NXPH2: variants seen among roughly 807,000 people sequenced by gnomAD.
NXPH2 encodes neurexophilin-2.
Under a neutral mutation model 19.8 loss-of-function variants are expected in NXPH2, and 5 were observed. The ratio of observed to expected loss-of-function variants is 0.25; its 90% confidence interval spans 0.13 to 0.53. The LOEUF (loss-of-function observed/expected upper bound fraction) is 0.53, where lower values mean the gene tolerates loss of function less well. Ranked by LOEUF, NXPH2 falls within the 20% of genes least tolerant of loss-of-function variation. The pLI, the probability that NXPH2 is intolerant of heterozygous loss-of-function variation, is 0.96. For synonymous variants in NXPH2, 154 were observed against 127.4 expected, an observed-to-expected ratio of 1.21 and a Z score of -1.41; for missense variants, 289 against 322.8, an observed-to-expected ratio of 0.90 and a Z score of 0.80.
chr2:138,747,649 G>T lies in NXPH2; in HGVS notation c.51+32542C>A, dbSNP rs139167705. Among the ~76,000 whole-genome samples, 5 of 152,276 alleles carry T rather than the reference G, an allele frequency of 3.3e-5. No homozygotes were observed. In the East Asian group the frequency reaches 9.6e-4, roughly 29 times the overall value. ...GGGCCATAAGTCTCACCATGCATAC[G>T]TGGTAGTGTACTTTAGGATCTTTTA... On this transcript the variant is annotated intron_variant, in intron 1 of 1. Coordinates refer to ENST00000272641, the MANE Select transcript of NXPH2 (RefSeq NM_007226.3).
In NXPH2 at chr2:138,764,643, G is replaced by T. The variant is rs1432243752; in HGVS notation, c.51+15548C>A. Reference sequence around the variant, plus strand: ...TTCTGATATAAATCATATATAATAGGACTATCTATCTATCTATCTATGATG... The same window carrying T: ...TTCTGATATAAATCATATATAATAGTACTATCTATCTATCTATCTATGATG... On this transcript the variant is annotated intron_variant, in intron 1 of 1. Coordinates refer to ENST00000272641, the MANE Select transcript of NXPH2 (RefSeq NM_007226.3). Among the ~76,000 whole-genome samples, 5 of 152,024 alleles carry T rather than the reference G, an allele frequency of 3.3e-5. No individual in the cohort carries two copies. In the South Asian group the frequency reaches 8.3e-4, roughly 25 times the overall value.
In NXPH2 at chr2:138,706,761, G is replaced by T. The variant is rs561806732; in HGVS notation, c.52-35096C>A. Among the ~76,000 whole-genome samples the T allele has an allele frequency of 2.0e-5, 3 of 151,918 alleles. No homozygotes were observed. In the East Asian group the frequency reaches 5.8e-4, roughly 30 times the overall value. ...ACTTCATTTTTTTTTTAAGTAGGCAGGTGTGGTAGTGTGTACCTGAAGTCC... is the reference window on the plus strand; with the variant it reads ...ACTTCATTTTTTTTTTAAGTAGGCATGTGTGGTAGTGTGTACCTGAAGTCC... On this transcript the variant is annotated intron_variant, in intron 1 of 1. Coordinates refer to ENST00000272641, the MANE Select transcript of NXPH2 (RefSeq NM_007226.3).
chr2:138,745,180 A>G (rs538408151), intron 1 of NXPH2, among the ~76,000 whole-genome samples: 4 of 152,348 alleles, frequency 2.6e-5, no homozygotes, highest in South Asian at 4.1e-4. Context: ...AACTGAATGC[A>G]TAATGCTTTT....
At chr2:138,744,046 C>T (rs935556854) in intron 1 of NXPH2, among the ~76,000 whole-genome samples, 1 of 145,892 alleles carries the variant, frequency 6.9e-6, no homozygotes, top group Non-Finnish European at 1.5e-5. Flanking sequence ...CTGTTATTTT[C>T]ATTAATTTAT....
chr2:138,723,826 C>T (rs773300140), intron 1 of NXPH2, among the ~76,000 whole-genome samples: 16 of 152,262 alleles, frequency 1.1e-4, no homozygotes, highest in East Asian at 1.9e-4. Flanking sequence ...GGCTTTTTGG[C>T]CTCCCCTAGC....
At chr2:138,710,524 A>C (rs1681089892) in intron 1 of NXPH2, among the ~76,000 whole-genome samples, 1 of 152,146 alleles carries the variant, frequency 6.6e-6, no homozygotes, top group African/African-American at 2.4e-5. Flanking sequence ...CATTCCCACC[A>C]ACAACACACA....
intron 1 of NXPH2, among the ~76,000 whole-genome samples, chr2:138,712,428 G>T (rs1476879944): frequency 3.3e-5 from 5 of 152,172 alleles, no homozygotes. Flanking sequence ...GGACTTCGGA[G>T]TTCTGTCCTC....
intron 1 of NXPH2, among the ~76,000 whole-genome samples, chr2:138,687,321 T>C (rs1250979569): frequency 6.6e-6 from 1 of 152,256 alleles, no homozygotes; most frequent in Non-Finnish European, 1.5e-5. Context: ...GAGCATTTTT[T>C]CATGTGTCTT....
chr2:138,716,910 A>G (rs994325287), intron 1 of NXPH2, among the ~76,000 whole-genome samples: 4 of 152,220 alleles, frequency 2.6e-5, no homozygotes, highest in African/African-American at 9.6e-5. Flanking sequence ...ACCAAAATTA[A>G]TAACACACTT....
intron 1 of NXPH2, among the ~76,000 whole-genome samples, chr2:138,775,151 A>C (rs1414886796): frequency 6.6e-6 from 1 of 152,214 alleles, no homozygotes; most frequent in Non-Finnish European, 1.5e-5. Context: ...GACTAGGAAA[A>C]AGAAAAATAT....
intron 1 of NXPH2, among the ~76,000 whole-genome samples, chr2:138,753,933 T>C (rs1413997417): frequency 2.0e-5 from 3 of 152,172 alleles, no homozygotes; most frequent in Non-Finnish European, 2.9e-5. Flanking sequence ...CATTCATATA[T>C]ACAATTACTT....
At chr2:138,697,145 A>C (rs113610004) in intron 1 of NXPH2, among the ~76,000 whole-genome samples, 13 of 152,256 alleles carry the variant, frequency 8.5e-5, no homozygotes, top group African/African-American at 3.1e-4. Context: ...CTATAGGCAG[A>C]TCAGTGGTTG....
At chr2:138,741,286 T>G (rs921283600) in intron 1 of NXPH2, among the ~76,000 whole-genome samples, 2 of 152,176 alleles carry the variant, frequency 1.3e-5, no homozygotes, top group Non-Finnish European at 2.9e-5. Flanking sequence ...AAGCGACTGC[T>G]GGCAGAGCTG....
At chr2:138,749,452 C>A (rs1473347292) in intron 1 of NXPH2, among the ~76,000 whole-genome samples, 1 of 152,042 alleles carries the variant, frequency 6.6e-6, no homozygotes, top group Non-Finnish European at 1.5e-5. Flanking sequence ...CTTTTATATA[C>A]TTTAGCTTTG....
chr2:138,718,966 G>T (rs908045786), intron 1 of NXPH2, among the ~76,000 whole-genome samples: 1 of 152,076 alleles, frequency 6.6e-6, no homozygotes, highest in Non-Finnish European at 1.5e-5. Context: ...AAGTTGGGGG[G>T]TGGGGGAGGA....
chr2:138,763,678 A>C (rs958493299), intron 1 of NXPH2, among the ~76,000 whole-genome samples: 3 of 152,170 alleles, frequency 2.0e-5, no homozygotes, highest in Non-Finnish European at 2.9e-5. Flanking sequence ...GAAGTGTAGA[A>C]GTCTTGTCCC....
At chr2:138,761,418 A>G (rs1166011039) in intron 1 of NXPH2, among the ~76,000 whole-genome samples, 1 of 152,182 alleles carries the variant, frequency 6.6e-6, no homozygotes, top group African/African-American at 2.4e-5. Flanking sequence ...TCCTAGTCAC[A>G]TTTATGCATC....
At chr2:138,716,645 T>C (rs1241981808) in intron 1 of NXPH2, among the ~76,000 whole-genome samples, 1 of 152,224 alleles carries the variant, frequency 6.6e-6, no homozygotes, top group Non-Finnish European at 1.5e-5. Context: ...CTTTTCTAGA[T>C]ACCTATCCCT....
intron 1 of NXPH2, among the ~76,000 whole-genome samples, chr2:138,711,297 C>A (rs567104087): frequency 1.8e-4 from 28 of 151,934 alleles, no homozygotes; most frequent in Non-Finnish European, 3.7e-4. Flanking sequence ...CCCACCACCA[C>A]GCCCGGCTAA....
Sources: allele counts gnomAD v4.1 joint callset (sites outside exome capture counted in the v4.1 genomes callset), GRCh38; gene constraint gnomAD v4.1.1; transcripts MANE v1.5; gene names NCBI Gene and HGNC (gene_info 2026-07-23, HGNC 2026-07-21).